The following CTNND2 variants were observed in gnomAD, a reference collection of about 807,000 sequenced individuals.
CTNND2 encodes the protein catenin delta 2.
In CTNND2, 22 loss-of-function variants were observed where a neutral mutation model predicts 144.4. The ratio of observed to expected loss-of-function variants is 0.15; its 90% CI spans 0.11 to 0.22. The LOEUF is 0.22. Ranked by LOEUF, CTNND2 falls within the 10% of genes least tolerant of loss-of-function variation. The probability of loss-of-function intolerance (pLI) is 1.00; values close to 1 mark genes in which losing one functional copy is unlikely to be tolerated. For synonymous variants in CTNND2, 751 were observed against 695.6 expected, an observed-to-expected ratio of 1.08 and a Z score of -1.25; for missense variants, 1,353 against 1,618.8, an observed-to-expected ratio of 0.84 and a Z score of 2.82.
chr5:11,457,570 T>C (rs1765844284), intron 3 of CTNND2, among the ~76,000 whole-genome samples: 1 of 152,196 alleles, frequency 6.6e-6, no homozygotes, highest in Non-Finnish European at 1.5e-5. Flanking sequence ...TTGGCATTTT[T>C]TCTACTTCAT....
intron 7 of CTNND2, among the ~76,000 whole-genome samples, chr5:11,370,518 C>G (rs1757373575): frequency 6.6e-6 from 1 of 152,200 alleles, no homozygotes; most frequent in Non-Finnish European, 1.5e-5. Flanking sequence ...AACAATTCCA[C>G]TTAATACAGG....
chr5:11,658,172 C>T (rs956582848), intron 2 of CTNND2, among the ~76,000 whole-genome samples: 3 of 151,894 alleles, frequency 2.0e-5, no homozygotes, highest in Admixed American at 2.0e-4. Context: ...GATTGTGAAA[C>T]TTACTTACAT....
chr5:11,895,763 G>C (rs76825373), intron 1 of CTNND2, among the ~76,000 whole-genome samples: 4,063 of 151,624 alleles, frequency 0.027, 79 homozygotes, highest in South Asian at 0.075. Flanking sequence ...TTTTAAAAAA[G>C]GAAAATAGAT....
At chr5:11,801,819 T>C (rs1791697919) in intron 1 of CTNND2, among the ~76,000 whole-genome samples, 1 of 152,144 alleles carries the variant, frequency 6.6e-6, no homozygotes, top group Non-Finnish European at 1.5e-5. Flanking sequence ...AAATAGCAAA[T>C]GTGTATTTTA....
At chr5:11,147,682 T>C (rs1438951793) in intron 12 of CTNND2, among the ~76,000 whole-genome samples, 1 of 150,130 alleles carries the variant, frequency 6.7e-6, no homozygotes, top group Non-Finnish European at 1.5e-5. Flanking sequence ...AAAAACTTTT[T>C]CAGAATGAGG....
At chr5:11,382,983 G>T (rs1758670196) in intron 7 of CTNND2, among the ~76,000 whole-genome samples, 1 of 152,030 alleles carries the variant, frequency 6.6e-6, no homozygotes. Flanking sequence ...CCTCTTCTTA[G>T]ATGCAATGAT....
rs189959666 is a variant in CTNND2, at chr5:11,552,229, C to G, written c.287+12715G>C. On this transcript the variant is annotated intron_variant, in intron 3 of 21. Coordinates refer to ENST00000304623, the MANE Select transcript of CTNND2 (RefSeq NM_001332.4). ...ATATTATTTCTTAAAAGGCCCACTC[C>G]AAGGTATCCCTCAGTGTGAAACACT... 1.7e-3 allele frequency among the ~76,000 whole-genome samples: 261 copies of G among 152,294 alleles called. 2 individuals are homozygous for G. The highest frequency in any genetic ancestry group is 6.1e-3 in the African/African-American group (255 of 41,570).
intron 12 of CTNND2, among the ~76,000 whole-genome samples, chr5:11,139,456 A>G (rs1756487770): frequency 1.3e-5 from 2 of 152,204 alleles, no homozygotes; most frequent in African/African-American, 4.8e-5. Context: ...TCTTACTTGA[A>G]TCTTTGCTCA....
intron 2 of CTNND2, among the ~76,000 whole-genome samples, chr5:11,641,977 C>T (rs1489235991): frequency 6.6e-6 from 1 of 151,992 alleles, no homozygotes; most frequent in African/African-American, 2.4e-5. Flanking sequence ...CTTTACGGTG[C>T]ATAACAATTG....
intron 9 of CTNND2, among the ~76,000 whole-genome samples, chr5:11,240,333 CACACAT>C (rs1742151147): frequency 7.4e-6 from 1 of 134,274 alleles, no homozygotes; most frequent in African/African-American, 2.8e-5. Context: ...ACACACCCAA[CACACAT>C]ACACCCAACA....
chr5:11,563,946 C>T (rs1776871320), intron 3 of CTNND2, among the ~76,000 whole-genome samples: 1 of 152,186 alleles, frequency 6.6e-6, no homozygotes, highest in African/African-American at 2.4e-5. Context: ...GCTGCTGACC[C>T]CAGGACTCTG....
chr5:11,697,855 G>C (rs1785209014), intron 2 of CTNND2, among the ~76,000 whole-genome samples: 1 of 152,158 alleles, frequency 6.6e-6, no homozygotes, highest in Admixed American at 6.5e-5. Context: ...CTAAAGGACG[G>C]GAAGGCATCA....
chr5:11,323,441 T>C (rs934806426), intron 9 of CTNND2, among the ~76,000 whole-genome samples: 5 of 152,106 alleles, frequency 3.3e-5, no homozygotes, highest in African/African-American at 7.2e-5. Context: ...ATGAACTAAG[T>C]TGGGACACAG....
intron 7 of CTNND2, among the ~76,000 whole-genome samples, chr5:11,367,777 G>A (rs778478491): frequency 6.6e-6 from 1 of 152,192 alleles, no homozygotes; most frequent in Non-Finnish European, 1.5e-5. Flanking sequence ...ATGGCAAAGT[G>A]CAATCAAAAC....
At chr5:11,011,844 G>A (rs1262846420) in intron 18 of CTNND2, among the ~76,000 whole-genome samples, 4 of 152,162 alleles carry the variant, frequency 2.6e-5, no homozygotes, top group Non-Finnish European at 5.9e-5. Context: ...GTTTCCTATA[G>A]GAATATCGCT....
chr5:11,394,279 TCTA>T (rs1432965476), intron 6 of CTNND2, among the ~76,000 whole-genome samples: 1 of 152,212 alleles, frequency 6.6e-6, no homozygotes, highest in African/African-American at 2.4e-5. Context: ...TGGGATCATG[TCTA>T]CTTTCTTTAC....
intron 1 of CTNND2, among the ~76,000 whole-genome samples, chr5:11,769,124 C>A (rs1789770524): frequency 6.6e-6 from 1 of 152,148 alleles, no homozygotes; most frequent in African/African-American, 2.4e-5. Flanking sequence ...AGACTCAGAA[C>A]TTAAACCTTC....
At chr5:11,666,759 TTTC>T (rs1447234009) in intron 2 of CTNND2, among the ~76,000 whole-genome samples, 3 of 152,212 alleles carry the variant, frequency 2.0e-5, no homozygotes, top group South Asian at 2.1e-4. Context: ...GAGAATCTGA[TTTC>T]TTATTTTTTC....
chr5:11,227,733 C>A (rs1740512779), intron 10 of CTNND2, among the ~76,000 whole-genome samples: 1 of 152,064 alleles, frequency 6.6e-6, no homozygotes, highest in South Asian at 2.1e-4. Flanking sequence ...GCACAGAAAT[C>A]AATTTCTATG....
Sources: gnomAD v4.1 joint callset for allele counts (sites outside exome capture counted in the v4.1 genomes callset) on GRCh38, gnomAD v4.1.1 for gene constraint, MANE v1.5 for transcripts, NCBI Gene and HGNC (gene_info 2026-07-23, HGNC 2026-07-21) for gene names.